ZNF577: variants seen among roughly 807,000 people sequenced by gnomAD.
ZNF577 encodes the protein zinc finger protein 577.
Under a neutral mutation model 13.9 loss-of-function variants are expected in ZNF577, and 14 were observed. The ratio of observed to expected loss-of-function variants is 1.00; its 90% CI spans 0.66 to 1.57. The LOEUF is 1.57. ZNF577 is among the 40% of genes most tolerant of loss of function. The pLI is 0.00. For missense variants in ZNF577, 555 were observed against 579.2 expected, an observed-to-expected ratio of 0.96 and a Z score of 0.43; for synonymous variants, 203 against 202.9, an observed-to-expected ratio of 1.00 and a Z score of 0.00.
intron 10 of ZNF577, among the ~76,000 whole-genome samples, chr19:51,807,598 T>C (rs2084068825): frequency 6.6e-6 from 1 of 152,190 alleles, no homozygotes; most frequent in South Asian, 2.1e-4. Flanking sequence ...TTTTAGTCCA[T>C]AGATGGCAGC....
chr19:51,868,453 CACA>C lies in ZNF577; in HGVS notation c.*4076_*4078del, dbSNP rs934800563. 4.6e-5 allele frequency among the ~76,000 whole-genome samples: 7 copies of C among 152,194 alleles called. No individual in the cohort carries two copies. The highest frequency in any genetic ancestry group is 4.6e-4 in the Admixed American group (7 of 15,282). ...GAAGAACAAGGGCAAACATGTCCCA[CACA>C]ACAATGGGATTCTGTAGGACTGCTT... On this transcript the variant is annotated 3_prime_UTR_variant, in exon 6 of 6. Coordinates refer to ENST00000638348, the MANE Select transcript of ZNF577 (RefSeq NM_001370449.1).
chr19:51,833,070 G>C (rs141442769), intron 9 of ZNF577, among the ~76,000 whole-genome samples: 176 of 152,240 alleles, frequency 1.2e-3, no homozygotes, highest in African/African-American at 4.0e-3. Flanking sequence ...CTATGGATTT[G>C]CTTGAAGAAG....
rs1271239278 is a variant in ZNF577 at position 51,852,804 on chromosome 19, CAT to C, written c.284-7875_284-7874del. Among the ~76,000 whole-genome samples, 3 of 152,168 alleles carry C rather than the reference CAT, an allele frequency of 2.0e-5. No homozygotes were observed. In the East Asian group the frequency reaches 5.8e-4, roughly 29 times the overall value. On this transcript the variant is annotated intron_variant and NMD_transcript_variant, in intron 5 of 10. Coordinates refer to the ZNF577 transcript ENST00000638827. ...GTGTTCCCATCACATGTTAAAATGT[CAT>C]GTGTGTGTAATTGTGTTTAATATAC...
intron 9 of ZNF577, among the ~76,000 whole-genome samples, chr19:51,833,403 GTC>G (rs2084270949): frequency 6.6e-6 from 1 of 151,832 alleles, no homozygotes; most frequent in African/African-American, 2.4e-5. Flanking sequence ...CATAAATCTG[GTC>G]TCTCTTATGC....
chr19:51,849,206 A>C lies in ZNF577; in HGVS notation c.284-4275T>G, dbSNP rs151308953. On this transcript the variant is annotated intron_variant and NMD_transcript_variant, in intron 5 of 10. Coordinates refer to the ZNF577 transcript ENST00000638827. ...AATGGAGAAAGGGTAAGTTTAACAA[A>C]ATAGGTTGCGCATACAAAACAGGTT... Among the ~76,000 whole-genome samples the C allele has an allele frequency of 4.9e-3, 744 of 152,284 alleles. 3 individuals carry two copies. Among genetic ancestry groups the C allele is most frequent in the Non-Finnish European group, 5.1e-3 (347 of 68,036 alleles).
rs142320718 is a variant in ZNF577, at chr19:51,817,978, CT to C, written c.*600-6305del. 3.0e-4 allele frequency: 44 copies of C among 148,216 alleles called. No individual in the cohort carries two copies. In the East Asian group the frequency reaches 3.0e-3, roughly 10 times the overall value. 9.2% of individuals were successfully genotyped at this position (148,216 alleles called of 1,614,324 possible). ...TTTTGTTTTGTTTTGTTTTTTCAGT[CT>C]TTTTTTTTTCTTTTTTCTTTTCTTT... is the stretch of plus-strand genomic sequence containing the variant. On this transcript the variant is annotated intron_variant and NMD_transcript_variant, in intron 9 of 10. Coordinates refer to the ZNF577 transcript ENST00000638827.
chr19:51,815,530 C>T (rs1246649021), intron 9 of ZNF577, among the ~76,000 whole-genome samples: 1 of 149,718 alleles, frequency 6.7e-6, no homozygotes, highest in African/African-American at 2.5e-5. Flanking sequence ...GATCCCGCCA[C>T]TGCACTCCAG....
intron 5 of ZNF577, chr19:51,861,586 G>A (rs2084502940): frequency 1.3e-5 from 2 of 152,266 alleles, no homozygotes; most frequent in Non-Finnish European, 2.9e-5. Flanking sequence ...TTGTGTCTGA[G>A]CTGATGTGAC....
At chr19:51,834,677 C>G (rs892733838) in intron 9 of ZNF577, among the ~76,000 whole-genome samples, 1 of 143,858 alleles carries the variant, frequency 7.0e-6, no homozygotes, top group Admixed American at 7.1e-5. Flanking sequence ...AAGCTAAAGA[C>G]AGTGTGCACA....
chr19:51,861,113 CTT>C (rs368241227), intron 5 of ZNF577: 7,270 of 181,478 alleles, frequency 0.04, no homozygotes, highest in South Asian at 0.057. Context: ...TTGACTCTCT[CTT>C]TTTTTTTTTT....
intron 5 of ZNF577, among the ~76,000 whole-genome samples, chr19:51,856,868 C>G (rs946874786): frequency 6.6e-6 from 1 of 152,032 alleles, no homozygotes; most frequent in East Asian, 1.9e-4. Context: ...TAAAGTAAAA[C>G]GAAATGAAAG....
intron 5 of ZNF577, among the ~76,000 whole-genome samples, chr19:51,876,618 G>C (rs79768574): frequency 0.035 from 5,256 of 152,074 alleles, 227 homozygotes; most frequent in African/African-American, 0.11. Context: ...ACTTTTAAGC[G>C]ACAGAAGTGC....
At chr19:51,851,619 T>G (rs575993107) in intron 5 of ZNF577, among the ~76,000 whole-genome samples, 1 of 152,220 alleles carries the variant, frequency 6.6e-6, no homozygotes, top group Admixed American at 6.5e-5. Context: ...CATTTGCTCC[T>G]GTTCACAACT....
chr19:51,857,418 G>GAAAA, intron 5 of ZNF577, among the ~76,000 whole-genome samples: 1 of 115,012 alleles, frequency 8.7e-6, no homozygotes, highest in African/African-American at 3.9e-5. Context: ...AAGAAAGAAA[G>GAAAA]AAAGAAAGAA....
intron 3 of ZNF577, among the ~76,000 whole-genome samples, 192 bp downstream of exon 3, chr19:51,880,131 T>C (rs2084838117): frequency 6.6e-6 from 1 of 152,198 alleles, no homozygotes; most frequent in South Asian, 2.1e-4. Context: ...AGGCACGCTA[T>C]TTTCGAAGAA....
chr19:51,880,466 G>A, intron 2 of ZNF577, 65 bp from the exon 3 acceptor site: 1 of 1,401,136 alleles, frequency 7.1e-7, no homozygotes, highest in Non-Finnish European at 1.0e-6. Flanking sequence ...CAGTCACTTA[G>A]CTATGTTCCG....
chr19:51,879,793 T>C (rs1245833707), intron 3 of ZNF577, among the ~76,000 whole-genome samples: 1 of 152,208 alleles, frequency 6.6e-6, no homozygotes, highest in Non-Finnish European at 1.5e-5. Context: ...CAAATGCTTC[T>C]GTTTGCTTGA....
chr19:51,882,976 T>C (rs112364651), intron 1 of ZNF577, among the ~76,000 whole-genome samples: 2,218 of 150,502 alleles, frequency 0.015, 68 homozygotes, highest in African/African-American at 0.052. Context: ...TCATTTTGTG[T>C]GGGCTTTTTA....
downstream of ZNF577, among the ~76,000 whole-genome samples, chr19:51,864,586 G>A (rs1055480291): frequency 1.3e-5 from 2 of 152,228 alleles, no homozygotes; most frequent in East Asian, 1.9e-4. Context: ...AGAGGACCTC[G>A]AGATATAAGG....
Sources: gnomAD v4.1 joint callset for allele counts (sites outside exome capture counted in the v4.1 genomes callset) on GRCh38, gnomAD v4.1.1 for gene constraint, MANE v1.5 for transcripts, NCBI Gene and HGNC (gene_info 2026-07-23, HGNC 2026-07-21) for gene names.